SGPL1: variants seen among roughly 807,000 people sequenced by gnomAD.
SGPL1 encodes sphingosine-1-phosphate lyase 1.
In SGPL1, 37 loss-of-function variants were observed where a neutral mutation model predicts 68.9. The ratio of observed to expected loss-of-function variants is 0.54; its 90% CI spans 0.41 to 0.71. SGPL1 has a LOEUF of 0.71. Ranked by LOEUF, SGPL1 falls within the 30% of genes least tolerant of loss-of-function variation. SGPL1 has a pLI of 0.00. For synonymous variants in SGPL1, 236 were observed against 248.5 expected (o/e 0.95, Z 0.47); for missense variants, 551 against 704.6 (o/e 0.78, Z 2.47).
intron 2 of SGPL1, among the ~76,000 whole-genome samples, chr10:70,833,462 C>T (rs1367883631): frequency 2.0e-5 from 3 of 152,146 alleles, no homozygotes; most frequent in Non-Finnish European, 4.4e-5. Context: ...TTTTGTTGCT[C>T]AGTTCTTACT....
intron 2 of SGPL1, among the ~76,000 whole-genome samples, chr10:70,830,390 A>G (rs888710163): frequency 4.0e-5 from 6 of 151,508 alleles, no homozygotes; most frequent in Non-Finnish European, 7.4e-5. Context: ...AGGACACTTC[A>G]TATAAATACA....
chr10:70,870,978 C>A, intron 9 of SGPL1, 70 bp from the exon 10 acceptor site: 1 of 1,350,942 alleles, frequency 7.4e-7, no homozygotes, highest in Non-Finnish European at 1.1e-6. Flanking sequence ...GCCCAAATTG[C>A]TCTTGGCAGC....
intron 7 of SGPL1, among the ~76,000 whole-genome samples, chr10:70,863,769 A>C (rs1404252789): frequency 6.6e-6 from 1 of 152,212 alleles, no homozygotes; most frequent in Non-Finnish European, 1.5e-5. Context: ...CTTGAACATC[A>C]GGGTTGAGAA....
intron 7 of SGPL1, among the ~76,000 whole-genome samples, chr10:70,865,233 A>G (rs1237085639): frequency 3.3e-5 from 5 of 151,072 alleles, no homozygotes; most frequent in Admixed American, 2.0e-4. Context: ...TTGATTGCCA[A>G]TATTTGAAGT....
At chr10:70,849,373 A>G (rs1845841156) in intron 3 of SGPL1, among the ~76,000 whole-genome samples, 1 of 152,244 alleles carries the variant, frequency 6.6e-6, no homozygotes, top group Non-Finnish European at 1.5e-5. Context: ...AGAAAGTGCT[A>G]TCAGTGAGGA....
chr10:70,847,657 T>C (rs191339091), intron 3 of SGPL1, among the ~76,000 whole-genome samples: 1 of 152,326 alleles, frequency 6.6e-6, no homozygotes, highest in Non-Finnish European at 1.5e-5. Flanking sequence ...GTTGACAATT[T>C]TATACAATTT....
At chr10:70,826,895 A>C (rs1023059227) in intron 2 of SGPL1, among the ~76,000 whole-genome samples, 1 of 152,104 alleles carries the variant, frequency 6.6e-6, no homozygotes, top group Non-Finnish European at 1.5e-5. Flanking sequence ...ATAGTATTTT[A>C]TTGTGTGACT....
At chr10:70,822,586 A>C (rs1845357881) in intron 2 of SGPL1, among the ~76,000 whole-genome samples, 1 of 152,164 alleles carries the variant, frequency 6.6e-6, no homozygotes, top group African/African-American at 2.4e-5. Context: ...GATAAAAACC[A>C]TGCTGTGGGG....
intron 8 of SGPL1, among the ~76,000 whole-genome samples, chr10:70,868,694 A>T (rs1028349026): frequency 6.6e-6 from 1 of 152,048 alleles, no homozygotes; most frequent in Non-Finnish European, 1.5e-5. Context: ...AAGCAAAAAT[A>T]AGATCCTTTT....
intron 2 of SGPL1, among the ~76,000 whole-genome samples, chr10:70,836,253 CCT>C (rs1482888178): frequency 5.9e-5 from 9 of 152,066 alleles, no homozygotes; most frequent in South Asian, 2.1e-4. Flanking sequence ...TGTTGGTTCC[CCT>C]GTTTGGCTTT....
At chr10:70,839,208 G>T (rs948653095) in intron 2 of SGPL1, among the ~76,000 whole-genome samples, 1 of 152,028 alleles carries the variant, frequency 6.6e-6, no homozygotes, top group Non-Finnish European at 1.5e-5. Flanking sequence ...CAAGAGAAAG[G>T]CTAGTTTACT....
chr10:70,835,735 C>CAAAAAAAAAAAAAAAAA (rs66962270), intron 2 of SGPL1, among the ~76,000 whole-genome samples: 5 of 70,150 alleles, frequency 7.1e-5, no homozygotes, highest in African/African-American at 1.2e-4. Context: ...GACTCCGTCT[C>CAAAAAAAAAAAAAAAAA]AAAAAAAAAA....
intron 4 of SGPL1, among the ~76,000 whole-genome samples, chr10:70,854,084 T>A (rs1845925742): frequency 6.6e-6 from 1 of 152,130 alleles, no homozygotes; most frequent in African/African-American, 2.4e-5. Flanking sequence ...CCCTCAAGGA[T>A]GTGCTGACTT....
At chr10:70,831,381 C>T (rs146461816) in intron 2 of SGPL1, among the ~76,000 whole-genome samples, 213 of 152,182 alleles carry the variant, frequency 1.4e-3, no homozygotes, top group African/African-American at 5.1e-3. Context: ...GGGCTCAGTC[C>T]CAACCCATAC....
chr10:70,858,411 T>A (rs1564627190), intron 6 of SGPL1, among the ~76,000 whole-genome samples: 1 of 152,208 alleles, frequency 6.6e-6, no homozygotes, highest in Non-Finnish European at 1.5e-5. Flanking sequence ...GTGTTGAGAT[T>A]ACAGCTGTGA....
intron 13 of SGPL1, 93 bp from the exon 14 acceptor site, chr10:70,876,448 G>T: frequency 8.4e-7 from 1 of 1,186,656 alleles, no homozygotes; most frequent in East Asian, 2.4e-5. Context: ...ATTGTGAAAG[G>T]GCAACCAGGA....
At chr10:70,826,232 A>G (rs1247878327) in intron 2 of SGPL1, among the ~76,000 whole-genome samples, 1 of 152,182 alleles carries the variant, frequency 6.6e-6, no homozygotes, top group East Asian at 1.9e-4. Flanking sequence ...ACAACAATAC[A>G]ATACAATACA....
intron 7 of SGPL1, among the ~76,000 whole-genome samples, chr10:70,863,708 A>C (rs1846125630): frequency 6.6e-6 from 1 of 152,238 alleles, no homozygotes; most frequent in African/African-American, 2.4e-5. Context: ...CCACAAACTC[A>C]CATAAAGGCT....
At chr10:70,825,346 A>C (rs977272550) in intron 2 of SGPL1, among the ~76,000 whole-genome samples, 7 of 152,180 alleles carry the variant, frequency 4.6e-5, no homozygotes, top group African/African-American at 1.2e-4. Context: ...CAGAGGGTGG[A>C]ATCCGGAGGC....
Sources: allele counts gnomAD v4.1 joint callset (sites outside exome capture counted in the v4.1 genomes callset), GRCh38; gene constraint gnomAD v4.1.1; transcripts MANE v1.5; gene names NCBI Gene and HGNC (gene_info 2026-07-23, HGNC 2026-07-21).